CACNA2D2: variants seen among roughly 807,000 people sequenced by gnomAD.
CACNA2D2 encodes voltage-dependent calcium channel subunit alpha-2/delta-2.
CACNA2D2 carries 48 observed loss-of-function variants against 166.4 expected under a neutral mutation model. The ratio of observed to expected loss-of-function variants is 0.29; its 90% CI spans 0.23 to 0.37. The LOEUF (loss-of-function observed/expected upper bound fraction) is 0.37, where lower values mean the gene tolerates loss of function less well. Among genes scored for constraint, CACNA2D2 ranks in the 10% least tolerant of loss-of-function variants. CACNA2D2 has a pLI of 1.00. For synonymous variants in CACNA2D2, 561 were observed against 573.7 expected (o/e 0.98, Z 0.32); for missense variants, 1,122 against 1,433.0 (o/e 0.78, Z 3.50).
chr3:50,454,695 TA>T (rs1461978429), intron 2 of CACNA2D2, among the ~76,000 whole-genome samples: 1 of 151,728 alleles, frequency 6.6e-6, no homozygotes, highest in African/African-American at 2.4e-5. Context: ...CTCGGTGAGC[TA>T]AAAAAAAATT....
At chr3:50,484,428 A>G (rs1210394645) in intron 1 of CACNA2D2, among the ~76,000 whole-genome samples, 1 of 152,086 alleles carries the variant, frequency 6.6e-6, no homozygotes, top group African/African-American at 2.4e-5. Flanking sequence ...CCGTCGCACT[A>G]AGAGAAAACC....
intron 1 of CACNA2D2, among the ~76,000 whole-genome samples, chr3:50,484,619 C>A (rs1483513744): frequency 6.6e-6 from 1 of 152,218 alleles, no homozygotes; most frequent in Non-Finnish European, 1.5e-5. Flanking sequence ...ACACACGTCA[C>A]CTGCTCCGTG....
intron 1 of CACNA2D2, among the ~76,000 whole-genome samples, chr3:50,493,358 G>T (rs941140925): frequency 2.0e-5 from 3 of 152,234 alleles, no homozygotes; most frequent in Admixed American, 1.3e-4. Context: ...GATGTGAGAG[G>T]AAGTCGGCTG....
intron 22 of CACNA2D2, 50 bp from the exon 23 acceptor site, chr3:50,370,430 C>T: frequency 1.6e-6 from 1 of 618,844 alleles, no homozygotes; most frequent in Non-Finnish European, 2.6e-6. Flanking sequence ...AGGCTGGAGG[C>T]CGGGGGGCTC....
At chr3:50,384,966 C>A (rs116074562) in intron 5 of CACNA2D2, among the ~76,000 whole-genome samples, 1 of 152,190 alleles carries the variant, frequency 6.6e-6, no homozygotes, top group African/African-American at 2.4e-5. Context: ...GGAGGGTCTG[C>A]GGTGCCTGGT....
chr3:50,420,137 T>C (rs1039877505), intron 3 of CACNA2D2, among the ~76,000 whole-genome samples: 1 of 152,242 alleles, frequency 6.6e-6, no homozygotes, highest in Non-Finnish European at 1.5e-5. Context: ...GAGAAGATTT[T>C]TAATTAAAAG....
At position 50,427,711 on chromosome 3, in the gene CACNA2D2, C is replaced by G. The variant is rs777358079; in HGVS notation, c.405+6602G>C. ...TTTTAGAGCTTCCCTAGTGTGGAGT[C>G]AGATCCCAGAGGCTGAGCCCCAGCC... On this transcript the variant is annotated intron_variant, in intron 3 of 37. Coordinates refer to ENST00000424201, the MANE Select transcript of CACNA2D2 (RefSeq NM_006030.4). This position sits in a 1 kb window ranked among gnomAD's most constrained non-coding sequence, Gnocchi z 4.7. Among the ~76,000 whole-genome samples the G allele has an allele frequency of 2.0e-5, 3 of 152,232 alleles. No homozygotes were observed. The highest frequency in any genetic ancestry group is 2.9e-5 in the Non-Finnish European group (2 of 68,048).
Position 50,365,452 on chromosome 3 carries a change from G to A in CACNA2D2, c.3002C>T (p.Thr1001Met). Residue 1001 changes from threonine to methionine, a missense_variant, in exon 35 of 38, where the codon ACG (threonine) becomes ATG (methionine). Transcript: ENST00000424201. The surrounding 1 kb of genome is among the most constrained non-coding windows in gnomAD (Gnocchi z 4.5). ...TTTCATGACGCAGCTGCTCTCGCGC[G>A]TCTCGGGGCTCCCCTCGGCCTCCGC... ...DPAEAEGSPE[T>M]RESSCVMKQT... 1 of 1,613,582 alleles carries A rather than the reference G, an allele frequency of 6.2e-7. No homozygotes were observed. Among genetic ancestry groups the A allele is most frequent in the Non-Finnish European group, 8.5e-7 (1 of 1,179,902 alleles).
At chr3:50,446,612 G>T (rs1184623325) in intron 2 of CACNA2D2, among the ~76,000 whole-genome samples, 1 of 152,200 alleles carries the variant, frequency 6.6e-6, no homozygotes, top group Non-Finnish European at 1.5e-5. Flanking sequence ...AGTCAGCGGG[G>T]TCAGCTGAGT....
At chr3:50,394,064 G>A (rs986107571) in intron 4 of CACNA2D2, 45 bp downstream of exon 4, 1 of 1,575,944 alleles carries the variant, frequency 6.3e-7, no homozygotes, top group Non-Finnish European at 8.7e-7. Context: ...ATCCACGCAT[G>A]GATGGGCATG....
At chr3:50,469,574 G>C (rs1656653108) in intron 2 of CACNA2D2, among the ~76,000 whole-genome samples, 1 of 152,098 alleles carries the variant, frequency 6.6e-6, no homozygotes, top group South Asian at 2.1e-4. Context: ...ACTTACGCAG[G>C]GCTAGGTCTG....
At chr3:50,494,760 A>T (rs1698658463) in intron 1 of CACNA2D2, among the ~76,000 whole-genome samples, 1 of 152,092 alleles carries the variant, frequency 6.6e-6, no homozygotes. Flanking sequence ...CTATAGCCTC[A>T]ACTTCCTGGG....
At chr3:50,479,177 GTCTC>G (rs957035351) in intron 1 of CACNA2D2, among the ~76,000 whole-genome samples, 2 of 151,564 alleles carry the variant, frequency 1.3e-5, no homozygotes, top group African/African-American at 4.8e-5. Flanking sequence ...CTCCCTCCTT[GTCTC>G]TCTCTCTCTT....
intron 1 of CACNA2D2, among the ~76,000 whole-genome samples, chr3:50,486,913 G>T (rs556551610): frequency 5.9e-5 from 9 of 152,352 alleles, no homozygotes; most frequent in Non-Finnish European, 1.0e-4. Context: ...CTGGAGGACA[G>T]GGCTGGGAAA....
In CACNA2D2 at chr3:50,364,661, G is replaced by A; in HGVS notation, c.*5C>T. ...TGGGAGTGGAGGTGGGGTGGGGCAG[G>A]GTGCTCAGAGGCGGCGAGAGGCGTG... On this transcript the variant is annotated 3_prime_UTR_variant, in exon 38 of 38. Transcript: ENST00000424201. The A allele has an allele frequency of 2.0e-6, 3 of 1,515,810 alleles. No homozygotes were observed. The highest frequency in any genetic ancestry group is 1.8e-6 in the Non-Finnish European group (2 of 1,129,860). The allele number at this position is 1,515,810 out of a possible 1,614,324, so 93.9% of individuals were successfully genotyped here. A position where few individuals can be genotyped will look rare whatever the true frequency, so the allele number is the denominator to read the frequency against.
chr3:50,389,310 A>G (rs1182526805), intron 4 of CACNA2D2, among the ~76,000 whole-genome samples: 2 of 152,262 alleles, frequency 1.3e-5, no homozygotes, highest in Non-Finnish European at 2.9e-5. Context: ...CAAACCTATT[A>G]AACTGAGGGG....
At chr3:50,499,771 A>G (rs1200134287) in intron 1 of CACNA2D2, among the ~76,000 whole-genome samples, 1 of 152,250 alleles carries the variant, frequency 6.6e-6, no homozygotes, top group African/African-American at 2.4e-5. Flanking sequence ...TCACCTGCAG[A>G]CTACGAGGGG....
intron 6 of CACNA2D2, among the ~76,000 whole-genome samples, chr3:50,381,581 G>A (rs1705316634): frequency 7.5e-6 from 1 of 133,270 alleles, no homozygotes. Flanking sequence ...CAGCTATTAA[G>A]TTACCTGATA....
chr3:50,471,504 G>A (rs1710093558), intron 2 of CACNA2D2, among the ~76,000 whole-genome samples: 1 of 152,132 alleles, frequency 6.6e-6, no homozygotes, highest in African/African-American at 2.4e-5. Flanking sequence ...TGGCACTTGT[G>A]GGCACTGCTA....
Sources: allele counts gnomAD v4.1 joint callset (sites outside exome capture counted in the v4.1 genomes callset), GRCh38; gene constraint gnomAD v4.1.1; non-coding constraint Gnocchi (gnomAD v3.1); transcripts MANE v1.5; gene names NCBI Gene and HGNC (gene_info 2026-07-23, HGNC 2026-07-21).